TG: variants seen among roughly 807,000 people sequenced by gnomAD.
The protein encoded by TG is thyroglobulin.
In TG, 270 loss-of-function variants were observed where a neutral mutation model predicts 324.7. The ratio of observed to expected loss-of-function variants is 0.83; its 90% CI spans 0.75 to 0.92. TG has a LOEUF of 0.92. Ranked by LOEUF, TG falls within the 40% of genes least tolerant of loss-of-function variation. The probability of loss-of-function intolerance (pLI) is 0.00; values close to 1 mark genes in which losing one functional copy is unlikely to be tolerated. For synonymous variants in TG, 1,401 were observed against 1,327.0 expected (o/e 1.06, Z -1.21); for missense variants, 3,591 against 3,456.4 (o/e 1.04, Z -0.98).
At chr8:133,008,392 A>T (rs1017015081) in intron 35 of TG, among the ~76,000 whole-genome samples, 2 of 152,220 alleles carry the variant, frequency 1.3e-5, no homozygotes, top group African/African-American at 2.4e-5. Context: ...AAACAAATTC[A>T]CTTACAGATA....
At chr8:133,024,998 G>A (rs1440520357) in intron 40 of TG, among the ~76,000 whole-genome samples, 1 of 152,180 alleles carries the variant, frequency 6.6e-6, no homozygotes, top group African/African-American at 2.4e-5. Flanking sequence ...TATTTTACTA[G>A]AGAGACACAG....
intron 30 of TG, 42 bp downstream of exon 30, chr8:132,966,739 T>C (rs1244150753): frequency 6.2e-7 from 1 of 1,612,648 alleles, no homozygotes; most frequent in Non-Finnish European, 8.5e-7. Flanking sequence ...CCAGACACTG[T>C]AGTCAGGCAT....
At chr8:133,111,991 TGTTCACCCAGGAGTGGCTAC>T (rs1005118769) in intron 43 of TG, among the ~76,000 whole-genome samples, 10 of 152,292 alleles carry the variant, frequency 6.6e-5, no homozygotes, top group African/African-American at 2.2e-4. Context: ...GAAGGGGCTG[TGTTCACCCAGGAGTGGCTAC>T]GTTCACCCAG....
At chr8:133,124,913 T>C (rs1371293842) in intron 45 of TG, among the ~76,000 whole-genome samples, 1 of 152,232 alleles carries the variant, frequency 6.6e-6, no homozygotes, top group Non-Finnish European at 1.5e-5. Flanking sequence ...TTGGTGAGTT[T>C]GTTGGAATTA....
chr8:132,950,498 G>A (rs543776080), intron 27 of TG, among the ~76,000 whole-genome samples: 4 of 152,318 alleles, frequency 2.6e-5, no homozygotes, highest in African/African-American at 4.8e-5. Flanking sequence ...CAATGGCAGA[G>A]CATTCCATGT....
At chr8:133,107,634 C>A (rs1000418595) in intron 43 of TG, among the ~76,000 whole-genome samples, 14 of 152,216 alleles carry the variant, frequency 9.2e-5, no homozygotes, top group Admixed American at 9.2e-4. Flanking sequence ...TTCCCTTGCA[C>A]CCCAGTGGGG....
chr8:132,901,152 G>GGA (rs113119229), intron 15 of TG, among the ~76,000 whole-genome samples: 3,255 of 152,352 alleles, frequency 0.021, 128 homozygotes, highest in African/African-American at 0.075. Context: ...GCAGTGGAGG[G>GGA]GAGAGAGTAC....
In TG at chr8:132,882,658, C is replaced by T. The variant is rs553880477; in HGVS notation, c.889+46C>T. 1.2e-4 allele frequency: 189 copies of T among 1,614,048 alleles called. 1 individual carries two copies. In the South Asian group the frequency reaches 1.7e-3, roughly 14 times the overall value. On this transcript the variant is annotated intron_variant, in intron 7 of 47. Coordinates refer to ENST00000220616, the MANE Select transcript of TG (RefSeq NM_003235.5). ...AATGTGCGTGTTTCCATTAGGGGGA[C>T]GCCTCTTGGGTTTCAAAGTTGCTAT...
chr8:132,873,117 G>A lies in TG; in HGVS notation c.534G>A (p.Lys178=). ...GTCTTCTCCACGGGGTGGGAGATAA[G>A]TCACCACCCCAGTGTTCTGCGGAGG... ...NRRLLHGVGD[K]SPPQCSAEGE... Residue 178 remains lysine, a synonymous_variant, in exon 5 of 48, where the codon AAG becomes AAA. Transcript: ENST00000220616. 1 of 1,614,160 alleles carries A rather than the reference G, an allele frequency of 6.2e-7. No homozygotes were observed. Among genetic ancestry groups the A allele is most frequent in the South Asian group, 1.1e-5 (1 of 91,080 alleles).
At chr8:132,886,311 G>C in intron 8 of TG, 137 bp from the exon 9 acceptor site, 1 of 1,242,370 alleles carries the variant, frequency 8.0e-7, no homozygotes, top group Admixed American at 1.9e-5. Context: ...AAATGACACA[G>C]AGAAGAAAGT....
At chr8:132,900,452 G>C (rs773545257) in intron 15 of TG, 113 bp downstream of exon 15, 13 of 970,944 alleles carry the variant, frequency 1.3e-5, no homozygotes, top group Admixed American at 6.0e-5. Context: ...AGCTGTGGGG[G>C]CACAGCTGCT....
At position 133,106,380 on chromosome 8, in the gene TG, G is replaced by T. The variant is rs1227887835; in HGVS notation, c.7573-7042G>T. The T allele has an allele frequency of 7.1e-6, 7 of 984,976 alleles. 1 individual carries two copies. The highest frequency in any genetic ancestry group is 8.4e-6 in the Non-Finnish European group (7 of 829,656). The allele number at this position is 984,976 out of a possible 1,614,324, so 61.0% of individuals were successfully genotyped here. A position where few individuals can be genotyped will look rare whatever the true frequency, so the allele number is the denominator to read the frequency against. ...GGCCAATGCAAGGACACCCAGCCTGGCCTGCTCTGTGTTCCATGCTCTCTG... is the reference window on the plus strand; with the variant it reads ...GGCCAATGCAAGGACACCCAGCCTGTCCTGCTCTGTGTTCCATGCTCTCTG... On this transcript the variant is annotated intron_variant, in intron 43 of 47. Coordinates refer to ENST00000220616, the MANE Select transcript of TG (RefSeq NM_003235.5).
rs1361404486 is a variant in TG at position 133,013,696 on chromosome 8, A to T, written c.6494A>T (p.His2165Leu). 6.2e-7 allele frequency: 1 copy of T among 1,614,144 alleles called. No homozygotes were observed. Among genetic ancestry groups the T allele is most frequent in the African/African-American group, 1.3e-5 (1 of 75,066 alleles). The change falls in exon 37 of 48, where the codon CAT becomes CTT. Residue 2165 changes from histidine to leucine, a missense_variant. By Grantham distance (99) the His-to-Leu change is moderately conservative. Coordinates refer to ENST00000220616, the MANE Select transcript of TG (RefSeq NM_003235.5). ...MFYADTQSCT[H>L]SLQGQNCRLL... ...TATGCTGATACTCAAAGCTGCACAC[A>T]TAGTCTGCAGGGTCAGAACTGCCGA...
chr8:133,127,157 C>T (rs184253210), intron 45 of TG, among the ~76,000 whole-genome samples: 3 of 152,322 alleles, frequency 2.0e-5, no homozygotes, highest in Admixed American at 1.3e-4. Context: ...ACACCCTCAC[C>T]TCATCATAAG....
At chr8:133,095,587 A>G (rs1465311179) in intron 42 of TG, among the ~76,000 whole-genome samples, 2 of 152,204 alleles carry the variant, frequency 1.3e-5, no homozygotes, top group Admixed American at 1.3e-4. Context: ...TGTGTTGAGT[A>G]TTGCAGACAT....
intron 31 of TG, among the ~76,000 whole-genome samples, chr8:132,968,754 C>T (rs977712015): frequency 2.0e-5 from 3 of 152,208 alleles, no homozygotes; most frequent in African/African-American, 7.2e-5. Flanking sequence ...TTAGGTTCCT[C>T]CTTCAGAGGA....
In TG at chr8:133,116,499, G is replaced by A; in HGVS notation, c.7755-110G>A. 3.5e-6 allele frequency: 3 copies of A among 862,936 alleles called. No homozygotes were observed. The East Asian group carries it at 7.4e-5, about 21-fold the overall frequency. The allele number at this position is 862,936 out of a possible 1,614,324, so 53.5% of individuals were successfully genotyped here. On this transcript the variant is annotated intron_variant, in intron 44 of 47. Transcript: ENST00000220616. ...AGAAGGTGTTCTTGTAGGCCTGGCA[G>A]GGGTGGGTTGGGGGCCCAGGGGGCC...
At chr8:133,000,327 C>T (rs937136556) in intron 35 of TG, among the ~76,000 whole-genome samples, 1 of 152,322 alleles carries the variant, frequency 6.6e-6, no homozygotes, top group East Asian at 1.9e-4. Context: ...CCCTAGCTCC[C>T]TCCACCCCTT....
chr8:132,919,874 G>A (rs1474575056), intron 21 of TG, among the ~76,000 whole-genome samples: 9 of 152,182 alleles, frequency 5.9e-5, no homozygotes, highest in Non-Finnish European at 1.2e-4. Context: ...CCTGGGCCAG[G>A]CATTTTACCT....
Sources: gnomAD v4.1 joint callset for allele counts (sites outside exome capture counted in the v4.1 genomes callset) on GRCh38, gnomAD v4.1.1 for gene constraint, MANE v1.5 for transcripts, NCBI Gene and HGNC (gene_info 2026-07-23, HGNC 2026-07-21) for gene names.